Variants in GRIA4 observed in about 807,000 individuals in gnomAD.
The protein encoded by GRIA4 is glutamate receptor 4.
GRIA4 carries 34 observed loss-of-function variants against 104.0 expected under a neutral mutation model. The observed-to-expected ratio is 0.33, with a 90% confidence interval of 0.25 to 0.44. The LOEUF is 0.44. Among genes scored for constraint, GRIA4 ranks in the 20% least tolerant of loss-of-function variants. The pLI is 1.00. For missense variants in GRIA4, 750 were observed against 1,096.5 expected, an observed-to-expected ratio of 0.68 and a Z score of 4.46; for synonymous variants, 386 against 381.9, an observed-to-expected ratio of 1.01 and a Z score of -0.13.
At chr11:105,684,518 G>A (rs1952809998) in intron 3 of GRIA4, among the ~76,000 whole-genome samples, 1 of 132,100 alleles carries the variant, frequency 7.6e-6, no homozygotes, top group Admixed American at 8.6e-5. Context: ...TCTTTTCTGA[G>A]TAAAAATAAG....
rs557515045 is a variant in GRIA4 at position 105,696,771 on chromosome 11, T to C, written c.248-56210T>C. Among the ~76,000 whole-genome samples the C allele has an allele frequency of 3.0e-3, 452 of 152,258 alleles. 6 individuals are homozygous for C. Among genetic ancestry groups the C allele is most frequent in the African/African-American group, 0.011 (444 of 41,536 alleles). The stretch of plus-strand genomic sequence containing the variant: ...TCCTGACATATTTCTTTCTGATTTT[T>C]TTTTTTTATTGAAACAGAGTTTTGC... On this transcript the variant is annotated intron_variant, in intron 3 of 16. Transcript: ENST00000282499.
intron 13 of GRIA4, among the ~76,000 whole-genome samples, chr11:105,931,329 T>C (rs886989805): frequency 6.6e-6 from 1 of 151,884 alleles, no homozygotes; most frequent in Non-Finnish European, 1.5e-5. Context: ...GAGATATTTT[T>C]TCAAGTGTTA....
chr11:105,917,718 T>C (rs1947445502), intron 10 of GRIA4, among the ~76,000 whole-genome samples: 1 of 152,070 alleles, frequency 6.6e-6, no homozygotes, highest in Non-Finnish European at 1.5e-5. Context: ...TTCACCAGGT[T>C]TATCTTTGGT....
intron 3 of GRIA4, among the ~76,000 whole-genome samples, chr11:105,637,903 C>A (rs1205354909): frequency 6.6e-6 from 1 of 152,098 alleles, no homozygotes; most frequent in Non-Finnish European, 1.5e-5. Flanking sequence ...AAACTGGTTG[C>A]AAGTTAACAT....
At chr11:105,853,890 C>A (rs1018329491) in intron 4 of GRIA4, among the ~76,000 whole-genome samples, 1 of 152,132 alleles carries the variant, frequency 6.6e-6, no homozygotes, top group South Asian at 2.1e-4. Flanking sequence ...TTCCACTCTT[C>A]GGATGCATCA....
At position 105,981,925 on chromosome 11, in the gene GRIA4, A is replaced by T. The variant is rs1364502286; in HGVS notation, c.*2186A>T. ...TTTCATGTCTTTCCCCCATCACGGC[A>T]CTTACCATACTGCGTTGTAATTGCC... On this transcript the variant is annotated 3_prime_UTR_variant, in exon 17 of 17. Transcript: ENST00000282499. The T allele has an allele frequency of 2.0e-5, 3 of 152,404 alleles. No individual in the cohort carries two copies. The highest frequency in any genetic ancestry group is 7.3e-5 in the African/African-American group (3 of 41,376). 9.4% of individuals were successfully genotyped at this position (152,404 alleles called of 1,614,324 possible).
intron 3 of GRIA4, among the ~76,000 whole-genome samples, chr11:105,653,809 G>C (rs1474445491): frequency 1.3e-5 from 2 of 151,770 alleles, no homozygotes; most frequent in Non-Finnish European, 2.9e-5. Flanking sequence ...GGAAAATCCT[G>C]ACTTAAGTCT....
chr11:105,889,382 T>G (rs1250491558), intron 6 of GRIA4, among the ~76,000 whole-genome samples: 1 of 152,184 alleles, frequency 6.6e-6, no homozygotes, highest in African/African-American at 2.4e-5. Flanking sequence ...TTGTAACACA[T>G]GATTAGATCA....
chr11:105,854,585 A>G (rs1328095914), intron 4 of GRIA4, among the ~76,000 whole-genome samples: 1 of 152,170 alleles, frequency 6.6e-6, no homozygotes, highest in African/African-American at 2.4e-5. Context: ...AATAAAAGAC[A>G]TGTAAAGAGG....
chr11:105,775,545 T>C (rs1941411686), intron 4 of GRIA4, among the ~76,000 whole-genome samples: 1 of 151,906 alleles, frequency 6.6e-6, no homozygotes, highest in Non-Finnish European at 1.5e-5. Context: ...AAAACAAAAT[T>C]AACAGGCAAA....
At chr11:105,758,553 T>A (rs1940444514) in intron 4 of GRIA4, among the ~76,000 whole-genome samples, 1 of 152,166 alleles carries the variant, frequency 6.6e-6, no homozygotes, top group African/African-American at 2.4e-5. Context: ...GAGGAAAAGA[T>A]CTTTTTAAAG....
chr11:105,867,064 T>C (rs940326256), intron 5 of GRIA4, among the ~76,000 whole-genome samples: 3 of 152,052 alleles, frequency 2.0e-5, no homozygotes, highest in African/African-American at 7.2e-5. Context: ...CCACTTTCAT[T>C]ATATGAAAGG....
chr11:105,673,774 T>C, intron 3 of GRIA4, among the ~76,000 whole-genome samples: 1 of 151,926 alleles, frequency 6.6e-6, no homozygotes, highest in East Asian at 1.9e-4. Flanking sequence ...GAATTAACGT[T>C]TGTTTAATAA....
intron 6 of GRIA4, among the ~76,000 whole-genome samples, chr11:105,894,297 G>T (rs960832321): frequency 6.6e-6 from 1 of 152,096 alleles, no homozygotes; most frequent in Non-Finnish European, 1.5e-5. Context: ...GAGGTGGTTT[G>T]TATGGCTGGA....
intron 4 of GRIA4, among the ~76,000 whole-genome samples, chr11:105,779,791 A>T (rs895222232): frequency 1.3e-5 from 2 of 152,170 alleles, no homozygotes; most frequent in Non-Finnish European, 2.9e-5. Flanking sequence ...GATAGTGTAG[A>T]TCTTATCTTG....
At chr11:105,679,956 A>T (rs551295701) in intron 3 of GRIA4, among the ~76,000 whole-genome samples, 2 of 152,214 alleles carry the variant, frequency 1.3e-5, no homozygotes, top group South Asian at 4.1e-4. Context: ...AGGTTATGGT[A>T]ATACTAAGAG....
chr11:105,733,165 C>T (rs981511824), intron 3 of GRIA4, among the ~76,000 whole-genome samples: 1 of 152,202 alleles, frequency 6.6e-6, no homozygotes, highest in African/African-American at 2.4e-5. Flanking sequence ...CATTTTCATA[C>T]ATTTCTACCT....
intron 3 of GRIA4, among the ~76,000 whole-genome samples, chr11:105,740,382 A>G (rs1221353722): frequency 6.6e-6 from 1 of 152,206 alleles, no homozygotes; most frequent in Non-Finnish European, 1.5e-5. Context: ...TGTGGCTTTC[A>G]GCCAGTCATT....
chr11:105,674,927 C>G (rs75157918), intron 3 of GRIA4, among the ~76,000 whole-genome samples: 4 of 151,922 alleles, frequency 2.6e-5, no homozygotes, highest in African/African-American at 9.7e-5. Context: ...TATTAACCCT[C>G]TCTTCTTAAT....
Sources: gnomAD v4.1 joint callset for allele counts (sites outside exome capture counted in the v4.1 genomes callset) on GRCh38, gnomAD v4.1.1 for gene constraint, MANE v1.5 for transcripts, NCBI Gene and HGNC (gene_info 2026-07-23, HGNC 2026-07-21) for gene names.